Variants in NRXN1 observed in about 807,000 individuals in gnomAD.
NRXN1 encodes neurexin 1.
In NRXN1, 39 loss-of-function variants were observed where a neutral mutation model predicts 150.9. The observed-to-expected ratio is 0.26, with a 90% CI of 0.20 to 0.34. The LOEUF is 0.34. Among genes scored for constraint, NRXN1 ranks in the 10% least tolerant of loss-of-function variants. The pLI, the probability that NRXN1 is intolerant of heterozygous loss-of-function variation, is 1.00. For synonymous variants in NRXN1, 924 were observed against 757.0 expected, an observed-to-expected ratio of 1.22 and a Z score of -3.62; for missense variants, 1,815 against 1,949.9, an observed-to-expected ratio of 0.93 and a Z score of 1.30.
intron 16 of NRXN1, among the ~76,000 whole-genome samples, chr2:50,471,431 T>A (rs1003599615): frequency 6.6e-6 from 1 of 151,858 alleles, no homozygotes; most frequent in Non-Finnish European, 1.5e-5. Flanking sequence ...ACAAAAGACA[T>A]TATTTTGTTC....
intron 8 of NRXN1, among the ~76,000 whole-genome samples, chr2:50,614,662 A>AT (rs1030286844): frequency 2.8e-5 from 4 of 142,378 alleles, no homozygotes; most frequent in Admixed American, 7.1e-5. Flanking sequence ...TATATATAAA[A>AT]TAAAAAAAAA....
chr2:50,635,277 C>G (rs1031854251), intron 5 of NRXN1, among the ~76,000 whole-genome samples: 15 of 151,938 alleles, frequency 9.9e-5, no homozygotes, highest in Non-Finnish European at 1.5e-4. Flanking sequence ...CCTGCCTCAG[C>G]CTCCCAAGTA....
intron 2 of NRXN1, among the ~76,000 whole-genome samples, chr2:50,951,801 T>C (rs1323534409): frequency 1.3e-5 from 2 of 151,538 alleles, no homozygotes; most frequent in Non-Finnish European, 2.9e-5. Context: ...ATATGTTTCC[T>C]CATATTTTTC....
At position 50,053,557 on chromosome 2, in the gene NRXN1, G is replaced by A; in HGVS notation, c.3842C>T (p.Thr1281Ile). 1.2e-6 allele frequency: 2 copies of A among 1,613,996 alleles called. No homozygotes were observed. The highest frequency in any genetic ancestry group is 1.7e-6 in the Non-Finnish European group (2 of 1,179,918). The change falls in exon 21 of 23, where the codon ACC becomes ATC. Residue 1281 changes from threonine (T) to isoleucine (I), a missense_variant. Physicochemically the swap from Thr to Ile is moderately conservative, Grantham distance 89. Coordinates refer to ENST00000401669, the MANE Select transcript of NRXN1 (RefSeq NM_001330078.2). Reference protein sequence around the residue: ...RQLTIFNSQATIIIGGKEQGQ... With the variant: ...RQLTIFNSQAIIIIGGKEQGQ... ...CTGCTCTTTCCCGCCAATTATTATG[G>A]TTGCTTGGCTATTGAAGATTGTGAG...
intron 5 of NRXN1, among the ~76,000 whole-genome samples, chr2:50,849,160 G>C (rs188251212): frequency 7.5e-6 from 1 of 133,100 alleles, no homozygotes; most frequent in African/African-American, 2.5e-5. Flanking sequence ...CCTGAACTAC[G>C]TAACTCGGAA....
intron 22 of NRXN1, among the ~76,000 whole-genome samples, chr2:49,935,371 T>C (rs1017868805): frequency 3.4e-4 from 51 of 152,206 alleles, no homozygotes; most frequent in African/African-American, 1.1e-3. Context: ...TCAGTATTTT[T>C]CTTTCTCCTA....
intron 17 of NRXN1, among the ~76,000 whole-genome samples, chr2:50,387,360 T>C (rs1453768031): frequency 6.6e-6 from 1 of 152,088 alleles, no homozygotes; most frequent in Non-Finnish European, 1.5e-5. Flanking sequence ...CCTGAAAAGG[T>C]AAAATCCATT....
intron 2 of NRXN1, among the ~76,000 whole-genome samples, chr2:50,991,772 A>G (rs10490163): frequency 0.23 from 34,351 of 151,966 alleles, 4,207 homozygotes; most frequent in Non-Finnish European, 0.29. Context: ...TCTGAGATAA[A>G]AAACAGCTTT....
chr2:50,437,011 C>T (rs2085507490), intron 17 of NRXN1, among the ~76,000 whole-genome samples: 1 of 152,026 alleles, frequency 6.6e-6, no homozygotes. Flanking sequence ...GGTAGGAAAC[C>T]TCTGGTAAAA....
At chr2:50,192,751 C>T (rs1260756589) in intron 18 of NRXN1, among the ~76,000 whole-genome samples, 3 of 152,060 alleles carry the variant, frequency 2.0e-5, no homozygotes, top group Admixed American at 6.5e-5. Flanking sequence ...GGATTACAGA[C>T]ATGCACCACC....
chr2:50,828,821 C>T (rs867313665), intron 5 of NRXN1, among the ~76,000 whole-genome samples: 3 of 152,236 alleles, frequency 2.0e-5, no homozygotes, highest in East Asian at 3.9e-4. Context: ...ACTTCCCAGA[C>T]GGGGTGGCGG....
intron 8 of NRXN1, among the ~76,000 whole-genome samples, chr2:50,616,877 A>AT (rs1679145079): frequency 1.3e-5 from 2 of 152,206 alleles, no homozygotes; most frequent in Admixed American, 1.3e-4. Context: ...GGGTTTACAC[A>AT]TGCAGTGTGC....
intron 8 of NRXN1, among the ~76,000 whole-genome samples, chr2:50,556,520 T>TAAAGAGTGATTC (rs150990304): frequency 0.11 from 16,738 of 148,848 alleles, 1,063 homozygotes; most frequent in African/African-American, 0.17. Flanking sequence ...TTTTTTTTTT[T>TAAAGAGTGATTC]AAAGAGTGAT....
At chr2:50,772,627 G>A (rs1441900075) in intron 5 of NRXN1, among the ~76,000 whole-genome samples, 1 of 151,844 alleles carries the variant, frequency 6.6e-6, no homozygotes, top group African/African-American at 2.4e-5. Context: ...TAAATTCTAT[G>A]GGAGCAAGCA....
At chr2:50,001,000 C>T (rs181596423) in intron 21 of NRXN1, among the ~76,000 whole-genome samples, 3 of 152,024 alleles carry the variant, frequency 2.0e-5, no homozygotes, top group Non-Finnish European at 2.9e-5. Flanking sequence ...TATTTTCTTC[C>T]CACAACAAAA....
intron 5 of NRXN1, among the ~76,000 whole-genome samples, chr2:50,687,989 G>A (rs757856531): frequency 2.0e-5 from 3 of 152,104 alleles, no homozygotes; most frequent in Non-Finnish European, 2.9e-5. Flanking sequence ...CTGAAAGAAC[G>A]AAAATTTAGC....
chr2:50,618,725 T>A (rs1478207342), intron 8 of NRXN1, among the ~76,000 whole-genome samples: 1 of 151,144 alleles, frequency 6.6e-6, no homozygotes, highest in East Asian at 1.9e-4. Flanking sequence ...AAAGCTCTTA[T>A]AATAGCACAA....
intron 2 of NRXN1, among the ~76,000 whole-genome samples, chr2:50,955,136 A>C (rs561163264): frequency 6.6e-6 from 1 of 152,298 alleles, no homozygotes; most frequent in South Asian, 2.1e-4. Context: ...CTGGTTAGGG[A>C]AGTAACATTT....
chr2:50,165,768 A>T (rs2059643177), intron 18 of NRXN1, among the ~76,000 whole-genome samples: 1 of 152,212 alleles, frequency 6.6e-6, no homozygotes, highest in South Asian at 2.1e-4. Context: ...ATACTTTTAG[A>T]AATGATGTCA....
Sources: allele counts gnomAD v4.1 joint callset (sites outside exome capture counted in the v4.1 genomes callset), GRCh38; gene constraint gnomAD v4.1.1; transcripts MANE v1.5; gene names NCBI Gene and HGNC (gene_info 2026-07-23, HGNC 2026-07-21).